Variants in YEATS2 observed in about 807,000 individuals in gnomAD.
The protein encoded by YEATS2 is YEATS domain containing 2.
In YEATS2, 77 loss-of-function variants were observed where a neutral mutation model predicts 163.2. The observed-to-expected ratio is 0.47, with a 90% confidence interval of 0.39 to 0.57. The LOEUF is 0.57. YEATS2 is among the 20% of genes least tolerant of loss of function. YEATS2 has a pLI of 0.00. For synonymous variants in YEATS2, 631 were observed against 645.1 expected, an observed-to-expected ratio of 0.98 and a Z score of 0.33; for missense variants, 1,549 against 1,729.8, an observed-to-expected ratio of 0.90 and a Z score of 1.85.
chr3:183,788,616 G>T (rs1724296740), intron 20 of YEATS2, among the ~76,000 whole-genome samples: 1 of 152,206 alleles, frequency 6.6e-6, no homozygotes. Context: ...ACATGGAAGT[G>T]CAGACGTCTC....
chr3:183,777,734 G>A (rs753415587), intron 19 of YEATS2, 34 bp downstream of exon 19: 5 of 1,586,846 alleles, frequency 3.2e-6, no homozygotes, highest in Non-Finnish European at 3.4e-6. Context: ...CCAAATATGG[G>A]GTGATTATGG....
intron 1 of YEATS2, among the ~76,000 whole-genome samples, chr3:183,714,419 A>G (rs1715608695): frequency 6.6e-6 from 1 of 150,852 alleles, no homozygotes. Flanking sequence ...GATGGTCTCA[A>G]TCTCCTGACC....
At chr3:183,776,240 G>A (rs1383370836) in intron 18 of YEATS2, 117 bp downstream of exon 18, 8 of 1,066,910 alleles carry the variant, frequency 7.5e-6, no homozygotes, top group East Asian at 2.7e-5. Context: ...CACCTTAACC[G>A]TGTTATCTAT....
intron 29 of YEATS2, 126 bp from the exon 30 acceptor site, chr3:183,808,971 T>C: frequency 1.2e-6 from 1 of 849,034 alleles, no homozygotes; most frequent in Non-Finnish European, 1.9e-6. Context: ...TAATTTTTTC[T>C]TAAGGACTTT....
intron 7 of YEATS2, among the ~76,000 whole-genome samples, chr3:183,735,296 C>A (rs1429572796): frequency 2.0e-5 from 3 of 152,146 alleles, no homozygotes; most frequent in Non-Finnish European, 4.4e-5. Context: ...TTAATTGACT[C>A]AAGTCCACCA....
At chr3:183,752,376 C>A in intron 10 of YEATS2, 123 bp downstream of exon 10, 1 of 1,225,518 alleles carries the variant, frequency 8.2e-7, no homozygotes, top group Non-Finnish European at 1.1e-6. Context: ...GCCTCTACTA[C>A]ACAGTTCTGT....
At chr3:183,760,784 T>C (rs1721269092) in intron 13 of YEATS2, among the ~76,000 whole-genome samples, 1 of 152,248 alleles carries the variant, frequency 6.6e-6, no homozygotes, top group Admixed American at 6.5e-5. Context: ...GTGAGTACTA[T>C]TAAAAGAGAG....
At chr3:183,743,251 G>A (rs1719164672) in intron 8 of YEATS2, among the ~76,000 whole-genome samples, 1 of 152,172 alleles carries the variant, frequency 6.6e-6, no homozygotes, top group South Asian at 2.1e-4. Flanking sequence ...AAAAGTTGGA[G>A]CAACTGAAAT....
chr3:183,724,834 C>T lies in YEATS2; in HGVS notation c.650+303C>T, dbSNP rs771003955. Among the ~76,000 whole-genome samples, 4 of 152,280 alleles carry T rather than the reference C, an allele frequency of 2.6e-5. No homozygotes were observed. The East Asian group carries it at 5.8e-4, about 22-fold the overall frequency. On this transcript the variant is annotated intron_variant, in intron 6 of 30. Transcript: ENST00000305135. ...CTTGGTTCACCGCAACCTCCCCCCG[C>T]CCGGGTTCAAGCGATTCTCCTGCCT...
rs535698781 is a variant in YEATS2 at position 183,800,022 on chromosome 3, T to C, written c.3326-444T>C. Among the ~76,000 whole-genome samples, 103 of 151,722 alleles carry C rather than the reference T, an allele frequency of 6.8e-4. No homozygotes were observed. The East Asian group carries it at 0.014, about 21-fold the overall frequency. ...TAATTTTTTGTATTTTTAGTAGAGATGGGGTTTCACCATGTTAGCCAGGAT... is the reference window on the plus strand; with the variant it reads ...TAATTTTTTGTATTTTTAGTAGAGACGGGGTTTCACCATGTTAGCCAGGAT... On this transcript the variant is annotated intron_variant, in intron 23 of 30. Transcript: ENST00000305135.
At chr3:183,698,153 A>T (rs995424568) in intron 1 of YEATS2, among the ~76,000 whole-genome samples, 160 bp downstream of exon 1, 3 of 151,718 alleles carry the variant, frequency 2.0e-5, no homozygotes, top group African/African-American at 7.3e-5. Context: ...AGGGGAGGGC[A>T]GGGAGGATCC....
At chr3:183,778,431 G>C (rs902320436) in intron 19 of YEATS2, among the ~76,000 whole-genome samples, 2 of 152,228 alleles carry the variant, frequency 1.3e-5, no homozygotes, top group African/African-American at 4.8e-5. Flanking sequence ...GGGGCTTCAC[G>C]TGGAAGATCC....
chr3:183,729,104 C>A (rs1467781576), intron 7 of YEATS2, among the ~76,000 whole-genome samples: 3 of 152,056 alleles, frequency 2.0e-5, no homozygotes, highest in African/African-American at 7.2e-5. Flanking sequence ...AACCCGGTCT[C>A]CACTAAAGAT....
At chr3:183,778,534 TTAG>T (rs1295638758) in intron 19 of YEATS2, among the ~76,000 whole-genome samples, 9 of 152,142 alleles carry the variant, frequency 5.9e-5, no homozygotes, top group Non-Finnish European at 1.0e-4. Context: ...TTTTGTGTTT[TTAG>T]TAGAGATGGG....
At chr3:183,768,519 A>G (rs1027044310) in intron 15 of YEATS2, among the ~76,000 whole-genome samples, 6 of 152,164 alleles carry the variant, frequency 3.9e-5, no homozygotes, top group African/African-American at 1.4e-4. Context: ...CACTCCCAAA[A>G]AGTTTTGCTA....
chr3:183,725,041 C>CTTTTTTTTT (rs62826962), intron 6 of YEATS2, among the ~76,000 whole-genome samples: 17 of 87,484 alleles, frequency 1.9e-4, no homozygotes, highest in African/African-American at 2.6e-4. Context: ...CCGTGCCGGC[C>CTTTTTTTTT]TTTTTTTTTT....
chr3:183,715,261 A>G lies in YEATS2; in HGVS notation c.99A>G (p.Ser33=). The part of the protein sequence containing the change: ...PNKRHKAIEN[S]ARDAAVQKIE... The stretch of plus-strand genomic sequence containing the variant: ...AGCGGCATAAAGCAATTGAGAATTC[A>G]GGTAGAAATCCTGCCTTAGGAAATT... The change falls in exon 2 of 31, where the codon TCA becomes TCG. Residue 33 remains serine (S), a splice_region_variant and synonymous_variant. Coordinates refer to ENST00000305135, the MANE Select transcript of YEATS2 (RefSeq NM_018023.5). The G allele has an allele frequency of 6.2e-7, 1 of 1,609,120 alleles. No individual in the cohort carries two copies. Among genetic ancestry groups the G allele is most frequent in the Non-Finnish European group, 8.5e-7 (1 of 1,176,630 alleles).
chr3:183,769,997 T>C (rs1045928410), intron 15 of YEATS2, among the ~76,000 whole-genome samples: 13 of 151,962 alleles, frequency 8.6e-5, no homozygotes, highest in African/African-American at 3.1e-4. Flanking sequence ...GGGACTGTTT[T>C]CTTTATATCA....
At chr3:183,751,245 CATT>C (rs1331778715) in intron 9 of YEATS2, among the ~76,000 whole-genome samples, 1 of 152,208 alleles carries the variant, frequency 6.6e-6, no homozygotes, top group Non-Finnish European at 1.5e-5. Context: ...TGTCAAAGAT[CATT>C]TGACCATATA....
Sources: allele counts gnomAD v4.1 joint callset (sites outside exome capture counted in the v4.1 genomes callset), GRCh38; gene constraint gnomAD v4.1.1; transcripts MANE v1.5; gene names NCBI Gene and HGNC (gene_info 2026-07-23, HGNC 2026-07-21).